The following TAF2 variants were observed in gnomAD, a reference collection of about 807,000 sequenced individuals.
TAF2 encodes transcription initiation factor TFIID subunit 2.
In TAF2, 61 loss-of-function variants were observed where a neutral mutation model predicts 138.5. The observed-to-expected ratio is 0.44, with a 90% CI of 0.36 to 0.54. The LOEUF (loss-of-function observed/expected upper bound fraction) is 0.54. Among genes scored for constraint, TAF2 ranks in the 20% least tolerant of loss-of-function variants. The pLI is 0.00. For missense variants in TAF2, 1,090 were observed against 1,427.9 expected, an observed-to-expected ratio of 0.76 and a Z score of 3.81; for synonymous variants, 475 against 469.9, an observed-to-expected ratio of 1.01 and a Z score of -0.14.
intron 25 of TAF2, among the ~76,000 whole-genome samples, chr8:119,739,453 G>C (rs2130984835): frequency 6.6e-6 from 1 of 152,098 alleles, no homozygotes; most frequent in South Asian, 2.1e-4. Flanking sequence ...ACCCACATAT[G>C]ATCCTGCCCT....
chr8:119,790,524 A>T (rs747478491), intron 11 of TAF2, among the ~76,000 whole-genome samples: 37 of 152,108 alleles, frequency 2.4e-4, no homozygotes, highest in Non-Finnish European at 4.9e-4. Flanking sequence ...AAAATGCTTT[A>T]AAAAAAGCAT....
At chr8:119,751,998 G>A (rs572661428) in intron 22 of TAF2, among the ~76,000 whole-genome samples, 9 of 151,956 alleles carry the variant, frequency 5.9e-5, no homozygotes, top group Non-Finnish European at 1.2e-4. Flanking sequence ...ATTCTCAGGA[G>A]TATATACTAA....
chr8:119,746,001 T>C lies in TAF2; in HGVS notation c.3108+704A>G, dbSNP rs1360466207. 2.0e-5 allele frequency among the ~76,000 whole-genome samples: 3 copies of C among 152,168 alleles called. No homozygotes were observed. In the East Asian group the frequency reaches 5.8e-4, roughly 29 times the overall value. ...TGCTAGGTATTACACAGAGCAACAA[T>C]TTTAAAAAGACAAGGCCCCTGTTTT... On this transcript the variant is annotated intron_variant, in intron 23 of 25. Coordinates refer to ENST00000378164, the MANE Select transcript of TAF2 (RefSeq NM_003184.4).
chr8:119,812,739 GTGTGTGTGTGTGTA>G (rs1291942986), intron 3 of TAF2, among the ~76,000 whole-genome samples: 33 of 136,980 alleles, frequency 2.4e-4, no homozygotes, highest in African/African-American at 9.3e-4. Flanking sequence ...GTGTGTGTGT[GTGTGTGTGTGTGTA>G]TATATGTGTG....
chr8:119,754,188 T>A (rs1029097391), intron 22 of TAF2, among the ~76,000 whole-genome samples: 2 of 152,170 alleles, frequency 1.3e-5, no homozygotes, highest in African/African-American at 2.4e-5. Context: ...TACTCGGTGG[T>A]ATTGCACTGT....
At chr8:119,785,392 T>C (rs570980661) in intron 14 of TAF2, 126 bp from the exon 15 acceptor site, 8 of 661,356 alleles carry the variant, frequency 1.2e-5, no homozygotes, top group Non-Finnish European at 2.1e-5. Context: ...GAAAAATGGC[T>C]ATCAAATGTA....
rs951716588 is a variant in TAF2 at position 119,768,893 on chromosome 8, G to A, written c.2365-6285C>T. ...GAGCCAGGGGAGAGGTGTCTTCTGC[G>A]GTTCTCAATCACACTATGGCCTGGA... On this transcript the variant is annotated intron_variant, in intron 18 of 25. Transcript: ENST00000378164. Among the ~76,000 whole-genome samples the A allele has an allele frequency of 9.8e-5, 15 of 152,304 alleles. No homozygotes were observed. The East Asian group carries it at 1.7e-3, about 18-fold the overall frequency.
chr8:119,787,689 C>A (rs1358923646), intron 14 of TAF2, among the ~76,000 whole-genome samples: 1 of 152,178 alleles, frequency 6.6e-6, no homozygotes, highest in Non-Finnish European at 1.5e-5. Context: ...GGCAATTCCT[C>A]AAGGATCTAG....
intron 18 of TAF2, among the ~76,000 whole-genome samples, chr8:119,775,217 G>GT (rs1822138249): frequency 1.4e-5 from 2 of 145,606 alleles, no homozygotes; most frequent in Admixed American, 1.5e-4. Context: ...GGAGGCAGAG[G>GT]TTGCAGTGAG....
chr8:119,792,405 C>T (rs946759823), intron 10 of TAF2, among the ~76,000 whole-genome samples: 6 of 152,162 alleles, frequency 3.9e-5, no homozygotes, highest in African/African-American at 9.6e-5. Flanking sequence ...ACCTGCCCAG[C>T]GTCCCAAAGT....
chr8:119,758,911 CA>C (rs1348202255), intron 20 of TAF2, among the ~76,000 whole-genome samples: 2 of 152,112 alleles, frequency 1.3e-5, no homozygotes, highest in Admixed American at 1.3e-4. Flanking sequence ...TAGACACGGA[CA>C]AAAGTGAAGT....
chr8:119,799,997 T>G (rs1247302999), intron 6 of TAF2, among the ~76,000 whole-genome samples: 2 of 152,164 alleles, frequency 1.3e-5, no homozygotes, highest in African/African-American at 2.4e-5. Context: ...TTTGATGGGG[T>G]TGTTTTTTTC....
intron 10 of TAF2, 182 bp from the exon 11 acceptor site, chr8:119,791,641 A>C (rs1823437843): frequency 1.6e-6 from 1 of 606,314 alleles, no homozygotes; most frequent in Non-Finnish European, 2.7e-6. Flanking sequence ...GTTTTACTTA[A>C]GGACATAAAG....
At chr8:119,757,133 G>A (rs1324012826) in intron 21 of TAF2, among the ~76,000 whole-genome samples, 1 of 152,148 alleles carries the variant, frequency 6.6e-6, no homozygotes, top group Non-Finnish European at 1.5e-5. Context: ...GAAACTGCTA[G>A]GTTGTAGTGT....
chr8:119,793,585 T>C (rs758997402), intron 9 of TAF2, 134 bp from the exon 10 acceptor site: 17 of 700,502 alleles, frequency 2.4e-5, no homozygotes, highest in Non-Finnish European at 3.6e-5. Flanking sequence ...AAGTGAAATG[T>C]ATTTAAAGAG....
intron 3 of TAF2, among the ~76,000 whole-genome samples, chr8:119,808,105 T>C (rs1203617180): frequency 2.0e-5 from 3 of 152,122 alleles, no homozygotes; most frequent in African/African-American, 7.2e-5. Flanking sequence ...ATAATATAAC[T>C]ATGGCTTTAA....
chr8:119,820,108 C>G (rs1825728083), intron 2 of TAF2, among the ~76,000 whole-genome samples: 1 of 152,280 alleles, frequency 6.6e-6, no homozygotes, highest in Non-Finnish European at 1.5e-5. Context: ...ACCATGTTAG[C>G]TGTATGGTAG....
At chr8:119,752,750 T>A (rs1820437961) in intron 22 of TAF2, among the ~76,000 whole-genome samples, 1 of 152,220 alleles carries the variant, frequency 6.6e-6, no homozygotes, top group Non-Finnish European at 1.5e-5. Context: ...AGATGATCCT[T>A]CTGAACTGCC....
intron 25 of TAF2, among the ~76,000 whole-genome samples, chr8:119,738,687 A>G (rs1819394007): frequency 6.6e-6 from 1 of 152,214 alleles, no homozygotes; most frequent in South Asian, 2.1e-4. Flanking sequence ...AAGTTAACAA[A>G]TGTAAAACAA....
Sources: allele counts gnomAD v4.1 joint callset (sites outside exome capture counted in the v4.1 genomes callset), GRCh38; gene constraint gnomAD v4.1.1; transcripts MANE v1.5; gene names NCBI Gene and HGNC (gene_info 2026-07-23, HGNC 2026-07-21).